The following RBM47 variants were observed in gnomAD, a reference collection of about 807,000 sequenced individuals.
RBM47 encodes RNA-binding protein 47.
In RBM47, 21 loss-of-function variants were observed where a neutral mutation model predicts 47.1. The ratio of observed to expected loss-of-function variants is 0.45; its 90% CI spans 0.32 to 0.64. The LOEUF is 0.64. RBM47 is among the 30% of genes least tolerant of loss of function. The probability of loss-of-function intolerance (pLI) is 0.05; values close to 1 mark genes in which losing one functional copy is unlikely to be tolerated. For missense variants in RBM47, 708 were observed against 870.9 expected, an observed-to-expected ratio of 0.81 and a Z score of 2.35; for synonymous variants, 375 against 361.7, an observed-to-expected ratio of 1.04 and a Z score of -0.42.
chr4:40,526,133 G>A (rs1427982423), intron 2 of RBM47, among the ~76,000 whole-genome samples: 1 of 152,158 alleles, frequency 6.6e-6, no homozygotes, highest in Admixed American at 6.6e-5. Context: ...GTAAGTCAAG[G>A]AGGACACAGC....
intron 1 of RBM47, among the ~76,000 whole-genome samples, chr4:40,592,981 T>A (rs10049844): frequency 0.018 from 246 of 14,038 alleles, no homozygotes; most frequent in East Asian, 0.047. Flanking sequence ...ATATATATAT[T>A]TTTTTTTTTT....
chr4:40,537,370 G>A (rs115468652), intron 2 of RBM47, among the ~76,000 whole-genome samples: 2,323 of 151,538 alleles, frequency 0.015, 51 homozygotes, highest in African/African-American at 0.047. Context: ...CTGAGCCTCC[G>A]GGTCAGGAGA....
At chr4:40,463,897 T>C (rs1219490922) in intron 3 of RBM47, among the ~76,000 whole-genome samples, 4 of 152,090 alleles carry the variant, frequency 2.6e-5, no homozygotes, top group Non-Finnish European at 5.9e-5. Flanking sequence ...CATTGCCATA[T>C]ATGATGCGTG....
intron 1 of RBM47, among the ~76,000 whole-genome samples, chr4:40,572,103 C>T (rs1190668407): frequency 7.2e-6 from 1 of 138,208 alleles, no homozygotes; most frequent in African/African-American, 2.8e-5. Context: ...AAAAAAAAAA[C>T]CCACCAGGTG....
chr4:40,481,482 TA>T (rs1299880006), intron 2 of RBM47, among the ~76,000 whole-genome samples: 76 of 115,584 alleles, frequency 6.6e-4, no homozygotes, highest in South Asian at 2.4e-3. Context: ...TTATTATTAT[TA>T]TTATTTTTAT....
intron 2 of RBM47, among the ~76,000 whole-genome samples, chr4:40,497,984 C>CT (rs1258808187): frequency 6.7e-6 from 1 of 148,356 alleles, no homozygotes; most frequent in African/African-American, 2.5e-5. Context: ...GAGCAAGACT[C>CT]TATCTCAAAA....
At chr4:40,456,864 G>A (rs1250615115) in intron 3 of RBM47, among the ~76,000 whole-genome samples, 1 of 151,900 alleles carries the variant, frequency 6.6e-6, no homozygotes, top group African/African-American at 2.4e-5. Context: ...CTCCCAAAGT[G>A]CTGGGATTAA....
intron 1 of RBM47, among the ~76,000 whole-genome samples, chr4:40,571,625 CA>C (rs1306694205): frequency 6.6e-6 from 1 of 151,852 alleles, no homozygotes; most frequent in South Asian, 2.1e-4. Context: ...TTAAAAAATA[CA>C]AACCAGGTGG....
intron 2 of RBM47, among the ~76,000 whole-genome samples, chr4:40,480,578 C>T (rs1018523546): frequency 2.6e-5 from 4 of 152,122 alleles, no homozygotes; most frequent in African/African-American, 9.7e-5. Flanking sequence ...GTAGGAAACC[C>T]TTTAATGTTC....
chr4:40,458,187 T>A (rs975189073), intron 3 of RBM47, among the ~76,000 whole-genome samples: 1 of 152,220 alleles, frequency 6.6e-6, no homozygotes, highest in Non-Finnish European at 1.5e-5. Flanking sequence ...TGTCAAATAG[T>A]AGTATACAAA....
At position 40,628,377 on chromosome 4, in the gene RBM47, C is replaced by T. The variant is rs1031736906; in HGVS notation, c.-240+1019G>A. 9.9e-5 allele frequency among the ~76,000 whole-genome samples: 15 copies of T among 152,190 alleles called. No homozygotes were observed. Among genetic ancestry groups the T allele is most frequent in the African/African-American group, 3.6e-4 (15 of 41,434 alleles). On this transcript the variant is annotated intron_variant, in intron 1 of 6. Coordinates refer to ENST00000295971, the MANE Select transcript of RBM47 (RefSeq NM_001098634.2). This position sits in a 1 kb window ranked among gnomAD's most constrained non-coding sequence, Gnocchi z 4.0. ...ACAAACTCCCACAAAGTGATCTCTT[C>T]TTATGCTCTAGGTTGAGTACTTTGG...
In RBM47 at chr4:40,568,294, G is replaced by A. The variant is rs577287601; in HGVS notation, c.-239-23788C>T. ...AACACAAAAATTAGCTGGGCATGGCGGCGCAGTGCCTCTGGTCCCAGCTAC... is the reference window on the plus strand; with the variant it reads ...AACACAAAAATTAGCTGGGCATGGCAGCGCAGTGCCTCTGGTCCCAGCTAC... On this transcript the variant is annotated intron_variant, in intron 1 of 6. Coordinates refer to ENST00000295971, the MANE Select transcript of RBM47 (RefSeq NM_001098634.2). Among the ~76,000 whole-genome samples the A allele has an allele frequency of 3.3e-5, 5 of 151,554 alleles. 1 individual carries two copies. Among genetic ancestry groups the A allele is most frequent in the Admixed American group, 6.6e-5 (1 of 15,222 alleles).
Position 40,436,941 on chromosome 4 carries a change from G to A in RBM47, c.1124-294C>T, listed in dbSNP as rs10034961. ...GACTACCCACCACCCCCTCCCCCCC[G>A]CCAAAAAAAAAACTGTGGCCAGGTG... is the stretch of plus-strand genomic sequence containing the variant. On this transcript the variant is annotated intron_variant, in intron 4 of 6. Transcript: ENST00000295971. The A allele has an allele frequency of 2.9e-3, 1,094 of 371,314 alleles. 7 individuals are homozygous for A. Among genetic ancestry groups the A allele is most frequent in the Middle Eastern group, 6.1e-3 (13 of 2,144 alleles). 23.0% of individuals were successfully genotyped at this position (371,314 alleles called of 1,614,324 possible).
rs67486138 is a variant in RBM47, at chr4:40,423,713, T to C, written c.*2191A>G. The C allele has an allele frequency of 0.012, 928 of 78,068 alleles. 8 individuals carry two copies. The highest frequency in any genetic ancestry group is 0.084 in the East Asian group (131 of 1,556). The allele number at this position is 78,068 out of a possible 1,614,324, so 4.8% of individuals were successfully genotyped here. On this transcript the variant is annotated 3_prime_UTR_variant, in exon 7 of 7. Transcript: ENST00000295971. The stretch of plus-strand genomic sequence containing the variant: ...CTTTCTTTCTTTCTTTCTTTCTTTC[T>C]TTTCTTTCTTTTCTTTCTTCCTCTT...
At chr4:40,529,931 CTTTTT>C (rs1184871315) in intron 2 of RBM47, among the ~76,000 whole-genome samples, 2 of 124,486 alleles carry the variant, frequency 1.6e-5, no homozygotes, top group Non-Finnish European at 3.3e-5. Context: ...ATTAGACCCC[CTTTTT>C]TTTTTTTTTT....
At position 40,426,083 on chromosome 4, in the gene RBM47, C is replaced by T. The variant is rs138621864; in HGVS notation, c.1603G>A (p.Gly535Arg). The T allele has an allele frequency of 5.0e-6, 8 of 1,614,074 alleles. No individual in the cohort carries two copies. Among genetic ancestry groups the T allele is most frequent in the Admixed American group, 3.3e-5 (2 of 60,004 alleles). The change falls in exon 7 of 7, where the codon GGG (glycine) becomes AGG (arginine). Residue 535 changes from glycine (G) to arginine (R), a missense_variant. Physicochemically the swap from Gly to Arg is moderately radical, Grantham distance 125 (BLOSUM62 -2). Coordinates refer to ENST00000295971, the MANE Select transcript of RBM47 (RefSeq NM_001098634.2). ...GGCACGTAACTGGCCCCGTAGATCC[C>T]GGCAGTAGGAATTCTCTGAACGTTT... ...APNVQRIPTA[G>R]IYGASYVPFA...
intron 1 of RBM47, among the ~76,000 whole-genome samples, chr4:40,620,195 GAAAAAAAAAA>G (rs200356171): frequency 3.7e-5 from 3 of 80,220 alleles, no homozygotes; most frequent in East Asian, 3.5e-4. Flanking sequence ...GACTCAGTAT[GAAAAAAAAAA>G]AAAAAAAAAA....
At chr4:40,539,072 T>G (rs1396253509) in intron 2 of RBM47, among the ~76,000 whole-genome samples, 2 of 152,196 alleles carry the variant, frequency 1.3e-5, no homozygotes, top group African/African-American at 4.8e-5. Context: ...AGATTTAATT[T>G]AAATCAAATT....
chr4:40,565,866 A>G (rs909507808), intron 1 of RBM47, among the ~76,000 whole-genome samples: 1 of 152,010 alleles, frequency 6.6e-6, no homozygotes, highest in Non-Finnish European at 1.5e-5. Context: ...TGACCCCACG[A>G]AAGACCAGCC....
Sources: allele counts gnomAD v4.1 joint callset (sites outside exome capture counted in the v4.1 genomes callset), GRCh38; gene constraint gnomAD v4.1.1; non-coding constraint Gnocchi (gnomAD v3.1); transcripts MANE v1.5; gene names NCBI Gene and HGNC (gene_info 2026-07-23, HGNC 2026-07-21).